Variants in TSPAN1 observed in about 807,000 individuals in gnomAD.
The protein encoded by TSPAN1 is tetraspanin 1.
In TSPAN1, 23 loss-of-function variants were observed where a neutral mutation model predicts 26.9. The ratio of observed to expected loss-of-function variants is 0.85; its 90% confidence interval spans 0.62 to 1.21. The LOEUF (loss-of-function observed/expected upper bound fraction) is 1.21, where lower values mean the gene tolerates loss of function less well. TSPAN1 is among the 50% of genes most tolerant of loss of function. The probability of loss-of-function intolerance (pLI) is 0.00; values close to 1 mark genes in which losing one functional copy is unlikely to be tolerated. For missense variants in TSPAN1, 283 were observed against 298.4 expected (o/e 0.95, Z 0.38); for synonymous variants, 115 against 114.8 (o/e 1.00, Z -0.01).
the TSPAN1 span, chr1:46,192,341 C>T: frequency 3.7e-6 from 6 of 1,614,194 alleles, no homozygotes; most frequent in Admixed American, 3.3e-5. Flanking sequence ...GCTCAAGCTC[C>T]TCCTTGTACA....
chr1:46,175,521 C>T, intron 1 of TSPAN1, 112 bp downstream of exon 1: 1 of 398,878 alleles, frequency 2.5e-6, no homozygotes, highest in Non-Finnish European at 4.4e-6. Flanking sequence ...GTTCACCACC[C>T]ACACGGCCCC....
At chr1:46,193,431 C>A in the TSPAN1 span, 1 of 1,604,128 alleles carries the variant, frequency 6.2e-7, no homozygotes, top group Non-Finnish European at 8.5e-7. Context: ...GTCACTTTCC[C>A]TCTGCCCACC....
chr1:46,192,241 C>T, the TSPAN1 span: 20 of 1,614,064 alleles, frequency 1.2e-5, no homozygotes, highest in African/African-American at 2.1e-4. Context: ...ACATGGACCA[C>T]GATGAAGGTT....
At chr1:46,196,358 C>T in the TSPAN1 span, among the ~76,000 whole-genome samples, 1 of 152,208 alleles carries the variant, frequency 6.6e-6, no homozygotes, top group Non-Finnish European at 1.5e-5. This position sits in a 1 kb window ranked among gnomAD's most constrained non-coding sequence, Gnocchi z 4.4. Flanking sequence ...TATCACAATC[C>T]TCCACCACAC....
chr1:46,177,630 T>G (rs1657213055), intron 1 of TSPAN1, among the ~76,000 whole-genome samples: 1 of 152,198 alleles, frequency 6.6e-6, no homozygotes, highest in South Asian at 2.1e-4. Context: ...AAAAAGCACA[T>G]TTGTTTACTC....
chr1:46,182,794 TTTGTTGTTG>T (rs113298952), intron 3 of TSPAN1, among the ~76,000 whole-genome samples: 5 of 150,830 alleles, frequency 3.3e-5, no homozygotes, highest in Admixed American at 1.3e-4. Flanking sequence ...AACTTGTGTT[TTTGTTGTTG>T]TTGTTGTTGT....
At chr1:46,183,034 C>G (rs1000104135) in intron 3 of TSPAN1, among the ~76,000 whole-genome samples, 2 of 152,050 alleles carry the variant, frequency 1.3e-5, no homozygotes, top group African/African-American at 4.8e-5. Flanking sequence ...AGGCTGGTCT[C>G]GAACTCCTGG....
intron 1 of TSPAN1, chr1:46,175,794 T>A (rs1484506895): frequency 2.4e-6 from 1 of 420,730 alleles, no homozygotes. Context: ...CCCCCATATA[T>A]GTAGGGGTGC....
chr1:46,188,888 T>G (rs1657520597), downstream of TSPAN1: 3 of 1,612,818 alleles, frequency 1.9e-6, no homozygotes, highest in Non-Finnish European at 2.5e-6. Flanking sequence ...CAGGGCAGCA[T>G]TCCAGCCCAA....
chr1:46,176,086 A>C (rs1355545021), intron 1 of TSPAN1: 2 of 878,722 alleles, frequency 2.3e-6, no homozygotes, highest in Non-Finnish European at 1.7e-6. Flanking sequence ...CGTGTTAGCC[A>C]GGATGGTCTC....
chr1:46,194,375 CTG>C, the TSPAN1 span: 1 of 1,614,220 alleles, frequency 6.2e-7, no homozygotes, highest in African/African-American at 1.3e-5. Flanking sequence ...CGGTTCAGCT[CTG>C]TGTCTGCCCA....
downstream of TSPAN1, among the ~76,000 whole-genome samples, chr1:46,186,336 C>T (rs1657426117): frequency 6.6e-6 from 1 of 152,066 alleles, no homozygotes; most frequent in Non-Finnish European, 1.5e-5. Flanking sequence ...CCTTCAGGAG[C>T]CCCCTTCCTA....
At chr1:46,193,548 C>A in the TSPAN1 span, 1 of 1,614,194 alleles carries the variant, frequency 6.2e-7, no homozygotes, top group East Asian at 2.2e-5. Context: ...CGAGGCACCC[C>A]CCAAGTCCTG....
rs759526347 is a variant in TSPAN1 at position 46,184,862 on chromosome 1, G to A, written c.417G>A (p.Val139=). The A allele has an allele frequency of 6.2e-7, 1 of 1,614,128 alleles. No individual in the cohort carries two copies. Among genetic ancestry groups the A allele is most frequent in the Admixed American group, 1.7e-5 (1 of 60,006 alleles). Residue 139 remains valine (V), a synonymous_variant, in exon 6 of 9, where the codon GTG becomes GTA. Transcript: ENST00000372003. ...DYGSQEDFTQ[V]WNTTMKGLKC... is the part of the protein sequence containing the mutation. ...GTTCCCAGGAAGACTTCACTCAAGT[G>A]TGGAACACCACCATGAAAGGGGTAA...
In TSPAN1 at chr1:46,179,938, TGAGA is replaced by T. The variant is rs779436527; in HGVS notation, c.-141-585_-141-582del. ...TCTCAGTCATTTCCTTGAAAGTGAG[TGAGA>T]GACAGAGAAAGAGAAAGAGGGAGTG... On this transcript the variant is annotated intron_variant, in intron 1 of 8. Coordinates refer to ENST00000372003, the MANE Select transcript of TSPAN1 (RefSeq NM_005727.4). Among the ~76,000 whole-genome samples, 44 of 148,338 alleles carry T rather than the reference TGAGA, an allele frequency of 3.0e-4. 1 individual carries two copies. In the Middle Eastern group the frequency reaches 0.037, roughly 126 times the overall value.
In TSPAN1 at chr1:46,180,989, T is replaced by C. The variant is rs879404591; in HGVS notation, c.-8-111T>C. The C allele has an allele frequency of 3.5e-6, 3 of 853,866 alleles. No homozygotes were observed. In the East Asian group the frequency reaches 7.8e-5, roughly 22 times the overall value. 52.9% of individuals were successfully genotyped at this position (853,866 alleles called of 1,614,324 possible). On this transcript the variant is annotated intron_variant, in intron 2 of 8. Transcript: ENST00000372003. ...GGTACAGGAGAAGCTTGGTGAGATATGGGTTCAGGATCCTGGGGTCTGGCA... is the reference window on the plus strand; with the variant it reads ...GGTACAGGAGAAGCTTGGTGAGATACGGGTTCAGGATCCTGGGGTCTGGCA...
downstream of TSPAN1, chr1:46,190,324 G>A (rs539586980): frequency 4.4e-4 from 469 of 1,067,688 alleles, no homozygotes; most frequent in Middle Eastern, 1.0e-3. Context: ...GATTACAGGC[G>A]TGAGCCACCG....
rs1005475402 is a variant in TSPAN1 at position 46,184,528 on chromosome 1, G to A, written c.265-66G>A. ...TTCTGTCTCACTTTTCCGGGGGGGG[G>A]ATTAGGGCAAGGAGGGCATGAGGGA... On this transcript the variant is annotated intron_variant, in intron 4 of 8. Transcript: ENST00000372003. The A allele has an allele frequency of 1.4e-4, 218 of 1,603,648 alleles. 1 individual carries two copies. Among genetic ancestry groups the A allele is most frequent in the Non-Finnish European group, 1.7e-4 (203 of 1,171,214 alleles).
the TSPAN1 span, chr1:46,191,290 T>C: frequency 4.5e-6 from 1 of 220,976 alleles, no homozygotes; most frequent in East Asian, 1.1e-4. Flanking sequence ...TGGACGCTAT[T>C]CATTCCTTTG....
Sources: allele counts gnomAD v4.1 joint callset (sites outside exome capture counted in the v4.1 genomes callset), GRCh38; gene constraint gnomAD v4.1.1; non-coding constraint Gnocchi (gnomAD v3.1); transcripts MANE v1.5; gene names NCBI Gene and HGNC (gene_info 2026-07-23, HGNC 2026-07-21).